Variants in DEGS2 observed in about 807,000 individuals in gnomAD.
DEGS2 encodes the protein delta 4-desaturase, sphingolipid 2.
In DEGS2, 19 loss-of-function variants were observed where a neutral mutation model predicts 23.8. That is an observed-to-expected ratio of 0.80 (90% CI 0.56 to 1.17). DEGS2 has a LOEUF of 1.17. Ranked by LOEUF, DEGS2 falls within the 50% of genes most tolerant of loss-of-function variation. The pLI is 0.00. For synonymous variants in DEGS2, 218 were observed against 213.7 expected, an observed-to-expected ratio of 1.02 and a Z score of -0.18; for missense variants, 390 against 459.5, an observed-to-expected ratio of 0.85 and a Z score of 1.38.
Position 100,146,435 on chromosome 14 carries a change from G to T in DEGS2, c.*326C>A. 1 of 294,020 alleles carries T rather than the reference G, an allele frequency of 3.4e-6. No homozygotes were observed. Among genetic ancestry groups the T allele is most frequent in the Non-Finnish European group, 6.4e-6 (1 of 157,336 alleles). 18.2% of individuals were successfully genotyped at this position (294,020 alleles called of 1,614,324 possible). A position where few individuals can be genotyped will look rare whatever the true frequency, so the allele number is the denominator to read the frequency against. ...TCCATGGGCTGTGAAACAAACGCCG[G>T]GTTTAATGTAGGGCACAGGCACCCC... On this transcript the variant is annotated 3_prime_UTR_variant, in exon 3 of 3. Coordinates refer to ENST00000305631, the MANE Select transcript of DEGS2 (RefSeq NM_206918.3).
intron 2 of DEGS2, among the ~76,000 whole-genome samples, chr14:100,148,283 T>C (rs1222519949): frequency 6.6e-6 from 1 of 152,198 alleles, no homozygotes; most frequent in Admixed American, 6.5e-5. Context: ...CACACCCCGG[T>C]GCACACAGAG....
chr14:100,152,908 A>G (rs77865748), intron 1 of DEGS2, among the ~76,000 whole-genome samples: 7 of 143,450 alleles, frequency 4.9e-5, no homozygotes, highest in East Asian at 2.3e-4. Context: ...ATGGAAGGAA[A>G]GAAGGAAGGG....
chr14:100,149,629 A>G lies in DEGS2; in HGVS notation c.164T>C (p.Met55Thr). 3 of 1,612,106 alleles carry G rather than the reference A, an allele frequency of 1.9e-6. No individual in the cohort carries two copies. Among genetic ancestry groups the G allele is most frequent in the South Asian group, 1.1e-5 (1 of 91,004 alleles). The stretch of plus-strand genomic sequence containing the variant: ...CCCGCGCACCAGCCAGCAGGCCAGC[A>G]TCTGCACCAGCACCAGCACCAGCAC... ...WAVLVLVLVQ[M>T]LACWLVRGLA... The change falls in exon 2 of 3, where the codon ATG (methionine) becomes ACG (threonine). Residue 55 changes from methionine to threonine, a missense_variant. Coordinates refer to ENST00000305631, the MANE Select transcript of DEGS2 (RefSeq NM_206918.3).
chr14:100,153,275 A>G (rs948492454), intron 1 of DEGS2, among the ~76,000 whole-genome samples: 1 of 148,312 alleles, frequency 6.7e-6, no homozygotes, highest in African/African-American at 2.6e-5. Flanking sequence ...AGATAGATAG[A>G]TAGATAGATA....
intron 1 of DEGS2, among the ~76,000 whole-genome samples, 176 bp from the exon 2 acceptor site, chr14:100,149,886 G>A (rs1371813799): frequency 6.6e-6 from 1 of 152,230 alleles, no homozygotes; most frequent in Non-Finnish European, 1.5e-5. Flanking sequence ...CCCCCACCCT[G>A]GCCGAGCCTC....
the DEGS2 span, among the ~76,000 whole-genome samples, chr14:100,166,269 A>G: frequency 2.8e-5 from 2 of 71,246 alleles, no homozygotes; most frequent in African/African-American, 5.2e-5. Context: ...GAGTGGGGGG[A>G]GCCTGTCTGG....
Position 100,144,167 on chromosome 14 carries a change from G to A in DEGS2, c.*2594C>T, listed in dbSNP as rs1383037717. 1 of 200,008 alleles carries A rather than the reference G, an allele frequency of 5.0e-6. No homozygotes were observed. The highest frequency in any genetic ancestry group is 2.3e-5 in the African/African-American group (1 of 42,622). The allele number at this position is 200,008 out of a possible 1,614,324, so 12.4% of individuals were successfully genotyped here. ...GCACAGCTCCGTCCCCAGCGCTCAT[G>A]GTGTTGAAACTGTCTGTCATGCACC... On this transcript the variant is annotated 3_prime_UTR_variant, in exon 3 of 3. Coordinates refer to ENST00000305631, the MANE Select transcript of DEGS2 (RefSeq NM_206918.3).
At position 100,146,610 on chromosome 14, in the gene DEGS2, C is replaced by T; in HGVS notation, c.*151G>A. 1 of 1,147,862 alleles carries T rather than the reference C, an allele frequency of 8.7e-7. No homozygotes were observed. Among genetic ancestry groups the T allele is most frequent in the East Asian group, 2.4e-5 (1 of 41,500 alleles). The allele number at this position is 1,147,862 out of a possible 1,614,324, so 71.1% of individuals were successfully genotyped here. A position where few individuals can be genotyped will look rare whatever the true frequency, so the allele number is the denominator to read the frequency against. On this transcript the variant is annotated 3_prime_UTR_variant, in exon 3 of 3. Transcript: ENST00000305631. ...TGCAGACGGAGCCCTGCAGCCCACA[C>T]TGCTGTTGCCAGGTGTGGCTGCGCG...
chr14:100,146,733 A>T lies in DEGS2; in HGVS notation c.*28T>A. 6.2e-7 allele frequency: 1 copy of T among 1,610,076 alleles called. No individual in the cohort carries two copies. The highest frequency in any genetic ancestry group is 1.7e-5 in the Admixed American group (1 of 59,634). On this transcript the variant is annotated 3_prime_UTR_variant, in exon 3 of 3. Transcript: ENST00000305631. Reference sequence around the variant, plus strand: ...AAGGCTGAGGGGCCGATGGGGGACAATGGCCACCACCAGGAGGCAGCCCGG... The same window carrying T: ...AAGGCTGAGGGGCCGATGGGGGACATTGGCCACCACCAGGAGGCAGCCCGG...
the DEGS2 span, among the ~76,000 whole-genome samples, chr14:100,165,490 C>G: frequency 3.9e-5 from 6 of 152,256 alleles, no homozygotes; most frequent in Admixed American, 6.5e-5. Flanking sequence ...GTGGGCCTCA[C>G]TACACCTGCC....
Position 100,149,395 on chromosome 14 carries a change from C to T in DEGS2, c.398G>A (p.Arg133His), listed in dbSNP as rs749027141. Residue 133 changes from arginine to histidine, a missense_variant, in exon 2 of 3, where the codon CGC (arginine) becomes CAC (histidine). By Grantham distance (29) the Arg-to-His change is conservative. Coordinates refer to ENST00000305631, the MANE Select transcript of DEGS2 (RefSeq NM_206918.3). ...GTCCAGCCCGTCGCCGCCCAGGTAGCGGTGGTGGTCCACGTGGTACTTCTT... is the reference window on the plus strand; with the variant it reads ...GTCCAGCCCGTCGCCGCCCAGGTAGTGGTGGTGGTCCACGTGGTACTTCTT... ...SFKKYHVDHH[R>H]YLGGDGLDVD... is the part of the protein sequence containing the mutation. 6.9e-6 allele frequency: 11 copies of T among 1,604,220 alleles called. No homozygotes were observed. The highest frequency in any genetic ancestry group is 3.3e-4 in the Middle Eastern group (2 of 6,052).
At position 100,144,551 on chromosome 14, in the gene DEGS2, C is replaced by G. The variant is rs1161447167; in HGVS notation, c.*2210G>C. On this transcript the variant is annotated 3_prime_UTR_variant, in exon 3 of 3. Coordinates refer to ENST00000305631, the MANE Select transcript of DEGS2 (RefSeq NM_206918.3). ...GGCAGGGCCCTGCGAGCGTCCTGTT[C>G]AGGGGAGGGATGGACTTGGGGCTTA... The G allele has an allele frequency of 6.6e-6, 1 of 152,384 alleles. No homozygotes were observed. Among genetic ancestry groups the G allele is most frequent in the Non-Finnish European group, 1.5e-5 (1 of 68,140 alleles). The allele number at this position is 152,384 out of a possible 1,614,324, so 9.4% of individuals were successfully genotyped here.
the DEGS2 span, among the ~76,000 whole-genome samples, chr14:100,166,884 GAT>G: frequency 3.3e-5 from 5 of 152,208 alleles, no homozygotes; most frequent in African/African-American, 7.2e-5. Flanking sequence ...AGCACTTTGA[GAT>G]GCCGAGGCGG....
intron 2 of DEGS2, 129 bp from the exon 3 acceptor site, chr14:100,147,036 C>T (rs574768039): frequency 3.8e-5 from 41 of 1,067,478 alleles, no homozygotes; most frequent in East Asian, 2.7e-4. Context: ...TGTTTGCGCG[C>T]GCGCACACCC....
At position 100,146,808 on chromosome 14, in the gene DEGS2, AGGG is replaced by A. The variant is rs1206833600; in HGVS notation, c.922_924del (p.Pro308del). 6.2e-7 allele frequency: 1 copy of A among 1,613,784 alleles called. No homozygotes were observed. On this transcript the variant is annotated inframe_deletion, in exon 3 of 3. Coordinates refer to ENST00000305631, the MANE Select transcript of DEGS2 (RefSeq NM_206918.3). Reference sequence around the variant, plus strand: ...CTGTACACCCGCTTCACCCTGGCATAGGGCCCCAGGGAGTCCTCAAACACAAAA... The same window carrying A: ...CTGTACACCCGCTTCACCCTGGCATACCCCAGGGAGTCCTCAAACACAAAA...
Position 100,149,583 on chromosome 14 carries a change from C to G in DEGS2, c.210G>C (p.Leu70=). Residue 70 remains leucine, a synonymous_variant, in exon 2 of 3, where the codon CTG becomes CTC. Transcript: ENST00000305631. The part of the protein sequence containing the change: ...LVRGLAWRWL[L]FWAYAFGGCV... ...AGCCACCAAAGGCGTAGGCCCAGAA[C>G]AGCAGCCAGCGCCAGGCCAGCCCGC... 1 of 1,609,240 alleles carries G rather than the reference C, an allele frequency of 6.2e-7. No individual in the cohort carries two copies.
chr14:100,159,481 G>C, intron 1 of DEGS2, 25 bp downstream of exon 1: 1 of 1,462,436 alleles, frequency 6.8e-7, no homozygotes, highest in Middle Eastern at 1.8e-4. Flanking sequence ...GGTCCCCACC[G>C]GGGTGGGCCC....
In DEGS2 at chr14:100,144,944, A is replaced by T. The variant is rs1889410469; in HGVS notation, c.*1817T>A. The T allele has an allele frequency of 6.6e-6, 1 of 152,264 alleles. No individual in the cohort carries two copies. The highest frequency in any genetic ancestry group is 1.5e-5 in the Non-Finnish European group (1 of 68,068). The allele number at this position is 152,264 out of a possible 1,614,324, so 9.4% of individuals were successfully genotyped here. ...GTTGGGCTTCCCGGCAGCCCTAGCA[A>T]CAGGAATATGACTGCTCTGCCCCTT... On this transcript the variant is annotated 3_prime_UTR_variant, in exon 3 of 3. Transcript: ENST00000305631.
intron 1 of DEGS2, 93 bp from the exon 2 acceptor site, chr14:100,149,803 G>T (rs1216893830): frequency 1.5e-6 from 2 of 1,362,424 alleles, no homozygotes; most frequent in African/African-American, 1.5e-5. Flanking sequence ...GGGTGAGAAG[G>T]TGGGAGTGGC....
Sources: allele counts gnomAD v4.1 joint callset (sites outside exome capture counted in the v4.1 genomes callset), GRCh38; gene constraint gnomAD v4.1.1; transcripts MANE v1.5; gene names NCBI Gene and HGNC (gene_info 2026-07-23, HGNC 2026-07-21).